SAMD4A: variants seen among roughly 807,000 people sequenced by gnomAD.
SAMD4A encodes the protein protein Smaug homolog 1.
SAMD4A carries 33 observed loss-of-function variants against 81.3 expected under a neutral mutation model. The observed-to-expected ratio is 0.41, with a 90% CI of 0.31 to 0.54. The LOEUF is 0.54. Among genes scored for constraint, SAMD4A ranks in the 20% least tolerant of loss-of-function variants. The probability of loss-of-function intolerance (pLI) is 0.37; values close to 1 mark genes in which losing one functional copy is unlikely to be tolerated. For missense variants in SAMD4A, 854 were observed against 951.1 expected, an observed-to-expected ratio of 0.90 and a Z score of 1.34; for synonymous variants, 389 against 382.1, an observed-to-expected ratio of 1.02 and a Z score of -0.21.
chr14:54,604,103 G>A (rs1052985173), intron 2 of SAMD4A, among the ~76,000 whole-genome samples: 6 of 152,168 alleles, frequency 3.9e-5, no homozygotes, highest in African/African-American at 9.7e-5. Flanking sequence ...GATTACAGGC[G>A]TGAGCCACCA....
At chr14:54,639,571 G>A (rs762848486) in intron 2 of SAMD4A, among the ~76,000 whole-genome samples, 12 of 152,234 alleles carry the variant, frequency 7.9e-5, no homozygotes, top group Non-Finnish European at 1.6e-4. Flanking sequence ...CAGGTGGCCT[G>A]TTACGGCGGG....
chr14:54,695,953 G>GAAAAAAA (rs35817270), intron 2 of SAMD4A, among the ~76,000 whole-genome samples: 20 of 78,174 alleles, frequency 2.6e-4, no homozygotes, highest in Non-Finnish European at 3.8e-4. Context: ...CTCCATCTCA[G>GAAAAAAA]AAAAAAAAAA....
intron 2 of SAMD4A, among the ~76,000 whole-genome samples, chr14:54,680,006 A>G (rs1156994829): frequency 6.6e-6 from 1 of 152,244 alleles, no homozygotes; most frequent in Non-Finnish European, 1.5e-5. Flanking sequence ...TCAAGAAAAG[A>G]TGGAGCATGT....
At chr14:54,665,110 C>A (rs1338853441) in intron 2 of SAMD4A, among the ~76,000 whole-genome samples, 2 of 151,956 alleles carry the variant, frequency 1.3e-5, no homozygotes, top group African/African-American at 4.8e-5. Flanking sequence ...TGTGAGAGTG[C>A]CTGTAGATAC....
chr14:54,601,544 C>T (rs974161553), intron 2 of SAMD4A, among the ~76,000 whole-genome samples: 2 of 152,134 alleles, frequency 1.3e-5, no homozygotes, highest in East Asian at 1.9e-4. Context: ...AGAAACCCAG[C>T]GACATTTTAA....
chr14:54,759,943 G>T lies in SAMD4A; in HGVS notation c.1177-218G>T, dbSNP rs919369411. On this transcript the variant is annotated intron_variant, in intron 6 of 12. Transcript: ENST00000554335. ...AGATAGTGGGATTTTCCGGTGGTGT[G>T]TATTTTCCTCGCTATACCTGTCTGT... Among the ~76,000 whole-genome samples, 20 of 152,280 alleles carry T rather than the reference G, an allele frequency of 1.3e-4. 1 individual carries two copies. The East Asian group carries it at 3.5e-3, about 26-fold the overall frequency.
At chr14:54,721,809 A>G (rs1454201702) in intron 3 of SAMD4A, among the ~76,000 whole-genome samples, 2 of 152,216 alleles carry the variant, frequency 1.3e-5, no homozygotes, top group African/African-American at 4.8e-5. Flanking sequence ...AGGCTCTAAA[A>G]TAAGAGATTC....
At chr14:54,677,065 C>G (rs561070532) in intron 2 of SAMD4A, among the ~76,000 whole-genome samples, 4 of 152,310 alleles carry the variant, frequency 2.6e-5, no homozygotes, top group African/African-American at 9.6e-5. Flanking sequence ...CTTGTTATCT[C>G]CTGACTTCCC....
intron 2 of SAMD4A, among the ~76,000 whole-genome samples, chr14:54,580,772 T>G (rs1380902728): frequency 6.6e-6 from 1 of 152,250 alleles, no homozygotes; most frequent in African/African-American, 2.4e-5. Flanking sequence ...CTGATTACCC[T>G]GTGCCTTAGT....
intron 4 of SAMD4A, among the ~76,000 whole-genome samples, chr14:54,745,073 G>A (rs112597636): frequency 0.017 from 2,545 of 152,190 alleles, 68 homozygotes; most frequent in African/African-American, 0.058. Flanking sequence ...TTTCTCCCCT[G>A]CCACGCATCC....
At chr14:54,626,068 G>A (rs1346519411) in intron 2 of SAMD4A, among the ~76,000 whole-genome samples, 6 of 110,600 alleles carry the variant, frequency 5.4e-5, no homozygotes, top group African/African-American at 1.5e-4. Context: ...GTGCGCGCGC[G>A]CGCGCGCGAG....
intron 2 of SAMD4A, among the ~76,000 whole-genome samples, chr14:54,671,215 A>G (rs978039502): frequency 6.6e-6 from 1 of 152,222 alleles, no homozygotes; most frequent in African/African-American, 2.4e-5. Flanking sequence ...GAGTTGGGAC[A>G]TGGGAGTTTT....
At chr14:54,781,751 C>G (rs2039004352) in intron 11 of SAMD4A, among the ~76,000 whole-genome samples, 1 of 152,226 alleles carries the variant, frequency 6.6e-6, no homozygotes, top group Admixed American at 6.5e-5. Context: ...TTATGTTGGT[C>G]TGTGGGGCAA....
intron 3 of SAMD4A, among the ~76,000 whole-genome samples, chr14:54,733,689 G>GT (rs2037616420): frequency 6.6e-6 from 1 of 152,098 alleles, no homozygotes; most frequent in African/African-American, 2.4e-5. Context: ...TGAATGAACC[G>GT]TTAGCCATTG....
At chr14:54,628,964 C>T (rs942828838) in intron 2 of SAMD4A, among the ~76,000 whole-genome samples, 1 of 152,066 alleles carries the variant, frequency 6.6e-6, no homozygotes, top group Non-Finnish European at 1.5e-5. Flanking sequence ...GTCCTGCCTC[C>T]CCCAGAATGT....
intron 2 of SAMD4A, among the ~76,000 whole-genome samples, chr14:54,667,153 A>G (rs992714528): frequency 1.3e-5 from 2 of 152,192 alleles, no homozygotes; most frequent in Non-Finnish European, 2.9e-5. Context: ...ATTTTAGGTC[A>G]GCTTGTGAGG....
intron 11 of SAMD4A, among the ~76,000 whole-genome samples, chr14:54,777,717 G>A (rs182896621): frequency 4.9e-4 from 75 of 152,174 alleles, no homozygotes; most frequent in Admixed American, 1.5e-3. Context: ...GGAGGAGGAC[G>A]CTGGAGGACA....
At chr14:54,569,002 C>G (rs148738020) in intron 2 of SAMD4A, among the ~76,000 whole-genome samples, 4 of 151,758 alleles carry the variant, frequency 2.6e-5, no homozygotes, top group African/African-American at 9.7e-5. Flanking sequence ...AAATTATATC[C>G]TGGAGGGTAG....
rs140798356 is a variant in SAMD4A at position 54,705,708 on chromosome 14, C to T, written c.715+3128C>T. 5.5e-3 allele frequency among the ~76,000 whole-genome samples: 839 copies of T among 152,280 alleles called. 3 individuals carry two copies. The highest frequency in any genetic ancestry group is 0.01 in the Middle Eastern group (3 of 294). On this transcript the variant is annotated intron_variant, in intron 3 of 12. Coordinates refer to ENST00000554335, the MANE Select transcript of SAMD4A (RefSeq NM_015589.6). ...GTATGGATTCCCAATCATTCAACTA[C>T]CCCGCAAATGCTTCCTGTCCATCTT... is the stretch of plus-strand genomic sequence containing the variant.
Sources: gnomAD v4.1 joint callset for allele counts (sites outside exome capture counted in the v4.1 genomes callset) on GRCh38, gnomAD v4.1.1 for gene constraint, MANE v1.5 for transcripts, NCBI Gene and HGNC (gene_info 2026-07-23, HGNC 2026-07-21) for gene names.